The following DMXL1 variants were observed in gnomAD, a reference collection of about 807,000 sequenced individuals.
DMXL1 encodes dmX-like protein 1.
Under a neutral mutation model 319.2 loss-of-function variants are expected in DMXL1, and 99 were observed. That is an observed-to-expected ratio of 0.31 (90% CI 0.26 to 0.37). DMXL1 has a LOEUF of 0.37. Ranked by LOEUF, DMXL1 falls within the 10% of genes least tolerant of loss-of-function variation. The probability of loss-of-function intolerance (pLI) is 1.00; values close to 1 mark genes in which losing one functional copy is unlikely to be tolerated. For missense variants in DMXL1, 3,745 were observed against 3,595.6 expected (o/e 1.04, Z -1.06); for synonymous variants, 1,385 against 1,235.2 (o/e 1.12, Z -2.54).
chr5:119,196,894 A>G (rs908759041), intron 31 of DMXL1, among the ~76,000 whole-genome samples: 1 of 152,226 alleles, frequency 6.6e-6, no homozygotes, highest in African/African-American at 2.4e-5. Context: ...CAAAAATACC[A>G]ATTTAACCAA....
chr5:119,120,891 A>G (rs1761893463), intron 8 of DMXL1, 80 bp from the exon 9 acceptor site: 2 of 1,147,922 alleles, frequency 1.7e-6, no homozygotes, highest in African/African-American at 1.6e-5. Flanking sequence ...GGATATATGT[A>G]ACTTCTGACA....
intron 25 of DMXL1, among the ~76,000 whole-genome samples, chr5:119,174,013 G>A (rs1042175173): frequency 2.0e-5 from 3 of 151,598 alleles, no homozygotes; most frequent in Admixed American, 2.0e-4. Context: ...TTTAGTTCAA[G>A]TCTGAAGACA....
chr5:119,198,096 C>T (rs1779984593), intron 32 of DMXL1, 140 bp downstream of exon 32: 2 of 751,882 alleles, frequency 2.7e-6, no homozygotes, highest in Non-Finnish European at 4.3e-6. Flanking sequence ...TCAAGTGATT[C>T]TCCTGCCTCA....
At chr5:119,170,112 GTAGA>G in intron 23 of DMXL1, 74 bp from the exon 24 acceptor site, 1 of 1,428,972 alleles carries the variant, frequency 7.0e-7, no homozygotes, top group Non-Finnish European at 9.3e-7. Flanking sequence ...AGGTGTCATA[GTAGA>G]TAGAGAAAAG....
intron 3 of DMXL1, 136 bp downstream of exon 3, chr5:119,102,142 G>T: frequency 2.1e-6 from 1 of 473,436 alleles, no homozygotes; most frequent in Non-Finnish European, 3.7e-6. Flanking sequence ...ATTCCATTTT[G>T]ATGTTAAAAA....
rs369098761 is a variant in DMXL1 at position 119,077,674 on chromosome 5, A to ATGTG, written c.87+6036_87+6039dup. On this transcript the variant is annotated intron_variant, in intron 1 of 43. Coordinates refer to ENST00000539542, the MANE Select transcript of DMXL1 (RefSeq NM_001290321.3). ...TTTGTATATGTGTGTGTGTATATAT[A>ATGTG]TGTGTGTGTGTGTGTGTGTGTATGT... 4.7e-3 allele frequency among the ~76,000 whole-genome samples: 557 copies of ATGTG among 118,880 alleles called. 8 individuals carry two copies. Among genetic ancestry groups the ATGTG allele is most frequent in the African/African-American group, 0.018 (513 of 27,808 alleles). The allele number at this position is 118,880 out of a possible 152,430, so 78.0% of individuals were successfully genotyped here. A position where few individuals can be genotyped will look rare whatever the true frequency, so the allele number is the denominator to read the frequency against.
Position 119,073,826 on chromosome 5 carries a change from T to C in DMXL1, c.87+2170T>C, listed in dbSNP as rs992899043. 6.6e-5 allele frequency among the ~76,000 whole-genome samples: 10 copies of C among 152,308 alleles called. No homozygotes were observed. The East Asian group carries it at 7.7e-4, about 12-fold the overall frequency. On this transcript the variant is annotated intron_variant, in intron 1 of 43. Coordinates refer to ENST00000539542, the MANE Select transcript of DMXL1 (RefSeq NM_001290321.3). ...TTACGCTCATTATCCTGGACACTTA[T>C]ATACACCTTAAATTTTTCTCTCTTG...
chr5:119,108,236 A>G (rs1005931960), intron 4 of DMXL1, among the ~76,000 whole-genome samples: 6 of 152,154 alleles, frequency 3.9e-5, no homozygotes, highest in Admixed American at 1.3e-4. Flanking sequence ...AGAAATACAC[A>G]AATCTATAGT....
At chr5:119,144,784 G>A (rs1768155358) in intron 15 of DMXL1, 146 bp downstream of exon 15, 1 of 501,244 alleles carries the variant, frequency 2.0e-6, no homozygotes, top group Non-Finnish European at 3.5e-6. Flanking sequence ...TCATAAATAT[G>A]AGTATCTTTT....
intron 28 of DMXL1, among the ~76,000 whole-genome samples, chr5:119,184,291 T>C (rs943440627): frequency 6.6e-6 from 1 of 152,108 alleles, no homozygotes; most frequent in African/African-American, 2.4e-5. Flanking sequence ...CTTGGACTCC[T>C]GGACTCAAGT....
rs982137570 is a variant in DMXL1 at position 119,071,441 on chromosome 5, C to T, written c.-129C>T. On this transcript the variant is annotated 5_prime_UTR_variant, in exon 1 of 44. Transcript: ENST00000539542. ...CCAGCTGAGCGGCTCCGGCTCCAGG[C>T]GCCTGTCGCTGCTTCTGCCGTCGCC... 5.6e-6 allele frequency: 5 copies of T among 899,340 alleles called. No individual in the cohort carries two copies. The highest frequency in any genetic ancestry group is 3.1e-4 in the Middle Eastern group (1 of 3,188). The allele number at this position is 899,340 out of a possible 1,614,324, so 55.7% of individuals were successfully genotyped here.
chr5:119,232,457 A>G (rs1255832521), intron 38 of DMXL1, among the ~76,000 whole-genome samples: 3 of 152,164 alleles, frequency 2.0e-5, no homozygotes, highest in Admixed American at 6.6e-5. Context: ...ATTAATATTG[A>G]TAATGATACT....
chr5:119,074,990 A>AAAAGTGC (rs528722545), intron 1 of DMXL1, among the ~76,000 whole-genome samples: 91 of 152,308 alleles, frequency 6.0e-4, no homozygotes, highest in South Asian at 1.5e-3. Context: ...TGCTACATGA[A>AAAAGTGC]AAAGTGCTAA....
intron 34 of DMXL1, among the ~76,000 whole-genome samples, chr5:119,207,970 G>T (rs1037228419): frequency 6.6e-6 from 1 of 152,026 alleles, no homozygotes; most frequent in African/African-American, 2.4e-5. Context: ...TTTCCAATGG[G>T]AATCCTTTGG....
intron 30 of DMXL1, among the ~76,000 whole-genome samples, chr5:119,195,195 T>C (rs1248901368): frequency 6.6e-6 from 1 of 152,162 alleles, no homozygotes; most frequent in Non-Finnish European, 1.5e-5. Flanking sequence ...ACTGGTTCCT[T>C]AAAAAGTTAA....
chr5:119,150,603 A>G (rs1769558792), intron 18 of DMXL1, among the ~76,000 whole-genome samples, 182 bp downstream of exon 18: 1 of 152,012 alleles, frequency 6.6e-6, no homozygotes, highest in South Asian at 2.1e-4. Context: ...AGTCTGGGCA[A>G]CATAGTTGAG....
intron 1 of DMXL1, among the ~76,000 whole-genome samples, chr5:119,095,197 G>A (rs60943459): frequency 0.042 from 6,380 of 152,144 alleles, 453 homozygotes; most frequent in African/African-American, 0.15. Context: ...CCAAGACTAC[G>A]GAGACAGCTT....
chr5:119,140,089 A>C (rs1228682033), intron 13 of DMXL1, among the ~76,000 whole-genome samples: 1 of 152,220 alleles, frequency 6.6e-6, no homozygotes, highest in East Asian at 1.9e-4. Flanking sequence ...TAAAGATATA[A>C]CATGCCAGAA....
chr5:119,161,324 A>T (rs1425269866), intron 19 of DMXL1, among the ~76,000 whole-genome samples: 1 of 152,234 alleles, frequency 6.6e-6, no homozygotes. Flanking sequence ...GCACTGCGAT[A>T]GCCTCTAATT....
Sources: allele counts gnomAD v4.1 joint callset (sites outside exome capture counted in the v4.1 genomes callset), GRCh38; gene constraint gnomAD v4.1.1; transcripts MANE v1.5; gene names NCBI Gene and HGNC (gene_info 2026-07-23, HGNC 2026-07-21).